METTL3: variants seen among roughly 807,000 people sequenced by gnomAD.
METTL3 encodes the protein N(6)-adenosine-methyltransferase catalytic subunit METTL3.
A neutral mutation model predicts 64.3 loss-of-function variants in METTL3; 42 were observed. The observed-to-expected ratio is 0.65, with a 90% CI of 0.51 to 0.84. METTL3 has a LOEUF of 0.84. Among genes scored for constraint, METTL3 ranks in the 40% least tolerant of loss-of-function variants. METTL3 has a pLI of 0.00. For missense variants in METTL3, 435 were observed against 722.3 expected, an observed-to-expected ratio of 0.60 and a Z score of 4.56; for synonymous variants, 256 against 263.6, an observed-to-expected ratio of 0.97 and a Z score of 0.28.
At chr14:21,509,745 T>A (rs955620434) in intron 1 of METTL3, among the ~76,000 whole-genome samples, 17 of 152,096 alleles carry the variant, frequency 1.1e-4, no homozygotes, top group African/African-American at 3.4e-4. Flanking sequence ...TGCACATTTT[T>A]AAAAAGTTTC....
Position 21,499,499 on chromosome 14 carries a change from T to C in METTL3, c.1445A>G (p.His482Arg), listed in dbSNP as rs1891501555. Residue 482 changes from histidine to arginine, a missense_variant, in exon 8 of 11, where the codon CAC becomes CGC. Physicochemically the swap from His to Arg is conservative, Grantham distance 29. Around this residue, in one of 9 missense-constraint regions of METTL3, gnomAD observed 38 missense variants for 102.3 expected, o/e 0.37. Coordinates refer to ENST00000298717, the MANE Select transcript of METTL3 (RefSeq NM_019852.5). ...TGHWLNHGKE[H>R]CLVGVKGNPQ... ...GGCCCCACTGCTGCTCACCAAGCAG[T>C]GTTCCTTCCCATGGTTCAACCAGTG... 2 of 1,613,668 alleles carry C rather than the reference T, an allele frequency of 1.2e-6. No individual in the cohort carries two copies. The highest frequency in any genetic ancestry group is 8.5e-7 in the Non-Finnish European group (1 of 1,179,646).
intron 6 of METTL3, among the ~76,000 whole-genome samples, chr14:21,500,190 T>C (rs1367566249): frequency 6.6e-6 from 1 of 151,896 alleles, no homozygotes; most frequent in African/African-American, 2.4e-5. Flanking sequence ...AAATCCAGTC[T>C]CTACTAAAAA....
Position 21,499,156 on chromosome 14 carries a change from C to T in METTL3, c.1519-19G>A. 2.5e-6 allele frequency: 4 copies of T among 1,603,870 alleles called. No individual in the cohort carries two copies. Among genetic ancestry groups the T allele is most frequent in the Non-Finnish European group, 2.6e-6 (3 of 1,170,722 alleles). On this transcript the variant is annotated intron_variant, in intron 9 of 10. Coordinates refer to ENST00000298717, the MANE Select transcript of METTL3 (RefSeq NM_019852.5). ...AACGAACCTAGGAAATAAAAACTAG[C>T]TGCTTTTTAAGTTACACAAGATTGC...
intron 1 of METTL3, among the ~76,000 whole-genome samples, chr14:21,506,230 C>T (rs1372140584): frequency 6.6e-6 from 1 of 151,882 alleles, no homozygotes; most frequent in African/African-American, 2.4e-5. Context: ...CTAGCAATTC[C>T]ACTTTTGGGT....
chr14:21,501,165 C>A, intron 4 of METTL3, 36 bp from the exon 5 acceptor site: 1 of 1,502,402 alleles, frequency 6.7e-7, no homozygotes, highest in South Asian at 1.1e-5. Flanking sequence ...AGATGGTGCT[C>A]CAGATGTAGA....
intron 1 of METTL3, among the ~76,000 whole-genome samples, chr14:21,509,024 C>T (rs1891766052): frequency 6.6e-6 from 1 of 152,026 alleles, no homozygotes; most frequent in Non-Finnish European, 1.5e-5. Flanking sequence ...ATGTAGTACA[C>T]CAATATAGCG....
chr14:21,505,794 C>G (rs1455107805), intron 1 of METTL3, among the ~76,000 whole-genome samples: 1 of 152,222 alleles, frequency 6.6e-6, no homozygotes, highest in Non-Finnish European at 1.5e-5. Flanking sequence ...TGCCTCCGCT[C>G]TGCTGCAACT....
At chr14:21,503,990 C>T in intron 1 of METTL3, 109 bp from the exon 2 acceptor site, 1 of 1,036,992 alleles carries the variant, frequency 9.6e-7, no homozygotes, top group Non-Finnish European at 1.4e-6. Context: ...TCATTTTGTG[C>T]AGGAAATTCT....
chr14:21,503,092 TC>T, intron 3 of METTL3, 80 bp downstream of exon 3: 1 of 1,445,950 alleles, frequency 6.9e-7, no homozygotes. Context: ...TGTAAACAGT[TC>T]CTTGCCCTAG....
intron 6 of METTL3, 24 bp downstream of exon 6, chr14:21,500,471 A>T (rs756845942): frequency 1.2e-5 from 19 of 1,611,680 alleles, no homozygotes; most frequent in Non-Finnish European, 1.5e-5. Context: ...ATCTGTCCAT[A>T]CCTACGTAAC....
rs779262174 is a variant in METTL3, at chr14:21,503,643, C to G, written c.318+21G>C. 19 of 1,614,024 alleles carry G rather than the reference C, an allele frequency of 1.2e-5. No homozygotes were observed. In the South Asian group the frequency reaches 1.6e-4, roughly 14 times the overall value. On this transcript the variant is annotated intron_variant, in intron 2 of 10. Transcript: ENST00000298717. Reference sequence around the variant, plus strand: ...GTGAACTGAAAATAAGTGGTAAATCCTAACTCTGTCAGGTCATTACCGTGG... The same window carrying G: ...GTGAACTGAAAATAAGTGGTAAATCGTAACTCTGTCAGGTCATTACCGTGG...
intron 3 of METTL3, 110 bp from the exon 4 acceptor site, chr14:21,502,013 T>A: frequency 3.3e-4 from 14 of 42,660 alleles, no homozygotes; most frequent in South Asian, 5.3e-4. Context: ...ATAAATCAAC[T>A]TTTTTTTTTT....
intron 6 of METTL3, 116 bp downstream of exon 6, chr14:21,500,379 G>T: frequency 1.6e-5 from 16 of 1,026,612 alleles, no homozygotes; most frequent in Non-Finnish European, 2.0e-5. Flanking sequence ...AAGAAAAAAA[G>T]ACTAAATCAG....
At position 21,511,141 on chromosome 14, in the gene METTL3, T is replaced by C. The variant is rs1891827017; in HGVS notation, c.83A>G (p.Gln28Arg). ...LRERLQRRRK[Q>R]DSGHLDLRNP... is the part of the protein sequence containing the mutation. ...TGCCTCACCCAAGTGCCCCGAGTCC[T>C]GCTTCCGCCTCCGCTGCAGCCTCTC... Residue 28 changes from glutamine to arginine, a missense_variant, in exon 1 of 11, where the codon CAG (glutamine) becomes CGG (arginine). Physicochemically the swap from Gln to Arg is conservative, Grantham distance 43. Transcript: ENST00000298717. 2 of 1,614,078 alleles carry C rather than the reference T, an allele frequency of 1.2e-6. No individual in the cohort carries two copies. Among genetic ancestry groups the C allele is most frequent in the Non-Finnish European group, 1.7e-6 (2 of 1,179,976 alleles).
At chr14:21,510,236 CA>C (rs1566497717) in intron 1 of METTL3, among the ~76,000 whole-genome samples, 2 of 152,308 alleles carry the variant, frequency 1.3e-5, no homozygotes, top group South Asian at 4.1e-4. Flanking sequence ...TGTAGATACT[CA>C]AGAAAGGTAA....
At chr14:21,507,824 A>T (rs1891734781) in intron 1 of METTL3, 1 of 152,244 alleles carries the variant, frequency 6.6e-6, no homozygotes, top group Non-Finnish European at 1.5e-5. Flanking sequence ...AATAATCAAA[A>T]TAACACAGAA....
chr14:21,507,874 T>G (rs1160185912), intron 1 of METTL3: 1 of 152,194 alleles, frequency 6.6e-6, no homozygotes, highest in Non-Finnish European at 1.5e-5. Flanking sequence ...TGTTTCATCT[T>G]TACCTATTAC....
intron 1 of METTL3, among the ~76,000 whole-genome samples, chr14:21,506,515 C>T (rs1342071896): frequency 6.6e-6 from 1 of 152,148 alleles, no homozygotes; most frequent in African/African-American, 2.4e-5. Flanking sequence ...GATCGCGCTA[C>T]TGCACTCCAG....
intron 1 of METTL3, among the ~76,000 whole-genome samples, chr14:21,505,858 A>G (rs984130573): frequency 7.2e-5 from 11 of 151,762 alleles, no homozygotes; most frequent in Non-Finnish European, 1.6e-4. Flanking sequence ...GTTTAGCAAA[A>G]TAATACATAA....
Sources: gnomAD v4.1 joint callset for allele counts (sites outside exome capture counted in the v4.1 genomes callset) on GRCh38, gnomAD v4.1.1 for gene constraint, gnomAD v4.1.1 regional missense constraint, MANE v1.5 for transcripts, NCBI Gene and HGNC (gene_info 2026-07-23, HGNC 2026-07-21) for gene names.